PBX3: variants seen among roughly 807,000 people sequenced by gnomAD.
PBX3 encodes the protein pre-B-cell leukemia transcription factor 3.
A neutral mutation model predicts 48.5 loss-of-function variants in PBX3; 14 were observed. The observed-to-expected ratio is 0.29, with a 90% CI of 0.19 to 0.45. The LOEUF (loss-of-function observed/expected upper bound fraction) is 0.45, where lower values mean the gene tolerates loss of function less well. Ranked by LOEUF, PBX3 falls within the 20% of genes least tolerant of loss-of-function variation. PBX3 has a pLI of 1.00. For synonymous variants in PBX3, 210 were observed against 200.3 expected, an observed-to-expected ratio of 1.05 and a Z score of -0.41; for missense variants, 386 against 546.7, an observed-to-expected ratio of 0.71 and a Z score of 2.93.
At chr9:125,829,102 C>T (rs138307274) in intron 2 of PBX3, among the ~76,000 whole-genome samples, 1 of 152,258 alleles carries the variant, frequency 6.6e-6, no homozygotes, top group African/African-American at 2.4e-5. Context: ...AGCCATGCTA[C>T]AACATTTTTC....
At chr9:125,866,327 A>G (rs191137193) in intron 2 of PBX3, among the ~76,000 whole-genome samples, 2 of 152,326 alleles carry the variant, frequency 1.3e-5, no homozygotes, top group East Asian at 3.9e-4. Context: ...TCACAATTAA[A>G]TATCTGTATA....
chr9:125,856,907 A>G (rs759156372), intron 2 of PBX3, among the ~76,000 whole-genome samples: 3 of 152,192 alleles, frequency 2.0e-5, no homozygotes, highest in Non-Finnish European at 4.4e-5. Flanking sequence ...TGCCTGCCCA[A>G]TTCTATTGTA....
chr9:125,854,956 G>A (rs1316287970), intron 2 of PBX3, among the ~76,000 whole-genome samples: 1 of 152,084 alleles, frequency 6.6e-6, no homozygotes, highest in African/African-American at 2.4e-5. Context: ...AAGAGCTTGG[G>A]AAAAAGTGAG....
At chr9:125,756,471 A>G (rs1165162814) in intron 2 of PBX3, among the ~76,000 whole-genome samples, 3 of 152,152 alleles carry the variant, frequency 2.0e-5, no homozygotes, top group African/African-American at 7.2e-5. Context: ...AACCATGCAT[A>G]GAGGATGGAA....
chr9:125,800,796 C>T (rs1485364536), intron 2 of PBX3, among the ~76,000 whole-genome samples: 2 of 147,902 alleles, frequency 1.4e-5, no homozygotes, highest in African/African-American at 4.9e-5. Flanking sequence ...TCTTGTGGCC[C>T]GAGCTGGAGT....
intron 2 of PBX3, among the ~76,000 whole-genome samples, chr9:125,842,131 T>G (rs914852635): frequency 6.6e-6 from 1 of 152,196 alleles, no homozygotes; most frequent in Non-Finnish European, 1.5e-5. Context: ...ATGAAGTAAC[T>G]GACCTCCTTA....
intron 2 of PBX3, chr9:125,844,700 T>C (rs1839381693): frequency 6.6e-6 from 1 of 152,122 alleles, no homozygotes; most frequent in African/African-American, 2.4e-5. Flanking sequence ...AATTGCTGAG[T>C]GTAATCCAGT....
chr9:125,953,936 C>T (rs1842248121), intron 5 of PBX3, among the ~76,000 whole-genome samples: 1 of 152,322 alleles, frequency 6.6e-6, no homozygotes, highest in Non-Finnish European at 1.5e-5. Flanking sequence ...CTCAGGTATG[C>T]ACGGTTTCAT....
chr9:125,928,850 A>G (rs1011619299), intron 3 of PBX3, among the ~76,000 whole-genome samples: 1 of 152,206 alleles, frequency 6.6e-6, no homozygotes, highest in Non-Finnish European at 1.5e-5. Context: ...GCTGCTTTAC[A>G]GAGATGGCTT....
At chr9:125,849,366 T>TA (rs879292753) in intron 2 of PBX3, among the ~76,000 whole-genome samples, 85 of 144,348 alleles carry the variant, frequency 5.9e-4, no homozygotes, top group East Asian at 1.4e-3. Flanking sequence ...ATGGTGGATT[T>TA]AAAAAAAAAA....
intron 2 of PBX3, among the ~76,000 whole-genome samples, chr9:125,776,182 G>A (rs1174043746): frequency 6.6e-6 from 1 of 152,162 alleles, no homozygotes; most frequent in African/African-American, 2.4e-5. Context: ...ATATTAGTGG[G>A]AAAGCTTTAA....
chr9:125,829,767 A>T (rs1003925440), intron 2 of PBX3, among the ~76,000 whole-genome samples: 1 of 152,200 alleles, frequency 6.6e-6, no homozygotes, highest in Non-Finnish European at 1.5e-5. Context: ...CTAATTGAAG[A>T]GTTAGAGTGC....
chr9:125,900,685 G>A (rs942154317), intron 2 of PBX3, among the ~76,000 whole-genome samples: 6 of 151,630 alleles, frequency 4.0e-5, no homozygotes, highest in East Asian at 1.9e-4. Flanking sequence ...TCCTAGTTGC[G>A]TACACTCATG....
intron 2 of PBX3, among the ~76,000 whole-genome samples, chr9:125,856,747 A>G (rs1839734591): frequency 6.6e-6 from 1 of 152,216 alleles, no homozygotes; most frequent in Non-Finnish European, 1.5e-5. Flanking sequence ...TGTAGCTAGC[A>G]ATGTTTATTA....
chr9:125,801,091 G>A (rs1837930649), intron 2 of PBX3, among the ~76,000 whole-genome samples: 1 of 152,080 alleles, frequency 6.6e-6, no homozygotes, highest in Non-Finnish European at 1.5e-5. Context: ...TATCTCCAGT[G>A]TTGGCATATG....
chr9:125,748,177 C>T, intron 1 of PBX3: 2 of 941,346 alleles, frequency 2.1e-6, no homozygotes, highest in Non-Finnish European at 2.5e-6. Flanking sequence ...CACCCTCCCG[C>T]TGGCCGCAGT....
intron 1 of PBX3, 24 bp downstream of exon 1, chr9:125,747,677 C>G (rs370376097): frequency 7.8e-5 from 121 of 1,542,308 alleles, no homozygotes; most frequent in Non-Finnish European, 1.0e-4. Flanking sequence ...CATTAAGCAT[C>G]TTTTGTGTGT....
At chr9:125,805,343 C>T (rs1838096244) in intron 2 of PBX3, among the ~76,000 whole-genome samples, 1 of 152,016 alleles carries the variant, frequency 6.6e-6, no homozygotes, top group Admixed American at 6.6e-5. Flanking sequence ...TGAATAGGAG[C>T]CATGTGATGC....
chr9:125,850,459 TTTGAAAACATAGTAA>T (rs1839548593), intron 2 of PBX3, among the ~76,000 whole-genome samples: 1 of 152,096 alleles, frequency 6.6e-6, no homozygotes, highest in South Asian at 2.1e-4. Flanking sequence ...TGCTTTGCCT[TTTGAAAACATAGTAA>T]TTATGATGTT....
Sources: allele counts gnomAD v4.1 joint callset (sites outside exome capture counted in the v4.1 genomes callset), GRCh38; gene constraint gnomAD v4.1.1; transcripts MANE v1.5; gene names NCBI Gene and HGNC (gene_info 2026-07-23, HGNC 2026-07-21).